PCDH15: variants seen among roughly 807,000 people sequenced by gnomAD.
The protein encoded by PCDH15 is protocadherin related 15, also known as protocadherin-15.
Under a neutral mutation model 178.5 loss-of-function variants are expected in PCDH15, and 129 were observed. The observed-to-expected ratio is 0.72, with a 90% CI of 0.63 to 0.84. The LOEUF (loss-of-function observed/expected upper bound fraction) is 0.84. PCDH15 is among the 40% of genes least tolerant of loss of function. The probability of loss-of-function intolerance (pLI) is 0.00; values close to 1 mark genes in which losing one functional copy is unlikely to be tolerated. For synonymous variants in PCDH15, 800 were observed against 732.0 expected (o/e 1.09, Z -1.50); for missense variants, 2,230 against 2,099.9 (o/e 1.06, Z -1.21).
At chr10:54,679,167 G>A (rs1290169081) in intron 1 of PCDH15, among the ~76,000 whole-genome samples, 1 of 132,756 alleles carries the variant, frequency 7.5e-6, no homozygotes, top group Non-Finnish European at 1.5e-5. Flanking sequence ...TCCAACCTGG[G>A]AGACACAGCG....
At chr10:54,827,865 C>T (rs1002624422) in intron 3 of PCDH15, among the ~76,000 whole-genome samples, 13 of 151,976 alleles carry the variant, frequency 8.6e-5, no homozygotes, top group Non-Finnish European at 1.5e-4. Flanking sequence ...AAACTTTTTG[C>T]GCAGGTGATG....
At chr10:54,792,964 T>C (rs1951564908) in intron 1 of PCDH15, among the ~76,000 whole-genome samples, 1 of 151,582 alleles carries the variant, frequency 6.6e-6, no homozygotes. Flanking sequence ...GTTAGCAGAG[T>C]CCTCCACCTG....
At position 54,317,435 on chromosome 10, in the gene PCDH15, C is replaced by T. The variant is rs957945054; in HGVS notation, c.712G>A (p.Ala238Thr). 1 of 1,613,752 alleles carries T rather than the reference C, an allele frequency of 6.2e-7. No individual in the cohort carries two copies. The highest frequency in any genetic ancestry group is 1.7e-5 in the Admixed American group (1 of 59,972). The change falls in exon 8 of 38, where the codon GCC (alanine) becomes ACC (threonine). Residue 238 changes from alanine to threonine, a missense_variant. Coordinates refer to ENST00000644397, the MANE Select transcript of PCDH15 (RefSeq NM_001384140.1). The stretch of plus-strand genomic sequence containing the variant: ...GTTCGCCTCTCATTCAGATTTTGGG[C>T]ACGGTCCTGTTAGGGAGAAAAACAA... ...YFVIIQANDR[A>T]QNLNERRTTT...
intron 2 of PCDH15, among the ~76,000 whole-genome samples, chr10:54,639,876 T>C (rs1350365773): frequency 6.6e-6 from 1 of 152,118 alleles, no homozygotes; most frequent in Non-Finnish European, 1.5e-5. Context: ...AATGAAACAA[T>C]GTACTTTCCT....
intron 2 of PCDH15, among the ~76,000 whole-genome samples, chr10:55,043,727 TAAATAAATAAATA>T (rs1184793587): frequency 0.015 from 2,212 of 145,830 alleles, 58 homozygotes; most frequent in African/African-American, 0.052. Context: ...AATAAATAAA[TAAATAAATAAATA>T]AAATAAATAA....
chr10:55,321,411 T>G (rs1843897586), upstream of PCDH15, among the ~76,000 whole-genome samples: 1 of 152,072 alleles, frequency 6.6e-6, no homozygotes, highest in Non-Finnish European at 1.5e-5. Context: ...GCAAGCAACT[T>G]GAAAAACAAC....
chr10:54,169,869 A>G (rs138360135), intron 13 of PCDH15, among the ~76,000 whole-genome samples: 9 of 151,508 alleles, frequency 5.9e-5, no homozygotes, highest in Non-Finnish European at 1.3e-4. Flanking sequence ...AAAACCAGAT[A>G]AGCCTTACAA....
upstream of PCDH15, among the ~76,000 whole-genome samples, chr10:55,319,914 AG>A (rs896076240): frequency 8.5e-5 from 13 of 152,110 alleles, no homozygotes; most frequent in African/African-American, 3.1e-4. Flanking sequence ...CTTTAGCCTT[AG>A]GGGTACTGTT....
At chr10:55,603,296 T>C (rs1230929808) in intron 2 of PCDH15, among the ~76,000 whole-genome samples, 2 of 150,168 alleles carry the variant, frequency 1.3e-5, no homozygotes, top group Non-Finnish European at 3.0e-5. Flanking sequence ...ATGGGGAGAA[T>C]GGAACCAAGT....
chr10:55,457,684 G>A (rs60481889), intron 2 of PCDH15, among the ~76,000 whole-genome samples: 1 of 151,964 alleles, frequency 6.6e-6, no homozygotes, highest in Non-Finnish European at 1.5e-5. Flanking sequence ...CTGAGGGCCC[G>A]ACGGCTTCCT....
At chr10:55,151,340 C>T (rs2132101566) in intron 2 of PCDH15, among the ~76,000 whole-genome samples, 1 of 152,002 alleles carries the variant, frequency 6.6e-6, no homozygotes, top group Non-Finnish European at 1.5e-5. Flanking sequence ...ACATATGCAT[C>T]CTCAAAATTA....
intron 2 of PCDH15, among the ~76,000 whole-genome samples, chr10:55,625,113 A>C (rs1837496367): frequency 6.6e-6 from 1 of 152,134 alleles, no homozygotes. Flanking sequence ...CATCTAACCA[A>C]AGCCATCAGT....
intron 2 of PCDH15, among the ~76,000 whole-genome samples, chr10:54,543,877 C>T (rs1281859651): frequency 3.3e-5 from 5 of 152,180 alleles, no homozygotes; most frequent in Admixed American, 3.3e-4. Context: ...CAGAAACTTA[C>T]TAGTCCCAAT....
chr10:54,673,262 C>G (rs1055823745), intron 1 of PCDH15, among the ~76,000 whole-genome samples: 14 of 151,876 alleles, frequency 9.2e-5, no homozygotes, highest in Non-Finnish European at 1.9e-4. Context: ...TGTGATGTTC[C>G]CCTCTCTGTG....
intron 18 of PCDH15, among the ~76,000 whole-genome samples, chr10:54,049,682 G>A (rs759204044): frequency 2.9e-4 from 44 of 151,420 alleles, no homozygotes; most frequent in African/African-American, 3.6e-4. Context: ...ATGCAATGGC[G>A]CAACCTTGGC....
Position 55,464,902 on chromosome 10 carries a change from GAAAAAA to G in PCDH15, c.-156+162717_-156+162722del, listed in dbSNP as rs71014492. ...AGGGTAATGTGGTGATGCTTAAATT[GAAAAAA>G]AAAAAAAAGAAACAAAACAAACAAA... On this transcript the variant is annotated intron_variant, in intron 2 of 5. Coordinates refer to the PCDH15 transcript ENST00000613346. Among the ~76,000 whole-genome samples, 8 of 139,912 alleles carry G rather than the reference GAAAAAA, an allele frequency of 5.7e-5. No homozygotes were observed. The East Asian group carries it at 1.6e-3, about 29-fold the overall frequency. 91.8% of individuals were successfully genotyped at this position (139,912 alleles called of 152,430 possible). A position where few individuals can be genotyped will look rare whatever the true frequency, so the allele number is the denominator to read the frequency against.
chr10:54,289,602 G>A (rs886070577), intron 8 of PCDH15, among the ~76,000 whole-genome samples: 1 of 152,126 alleles, frequency 6.6e-6, no homozygotes, highest in African/African-American at 2.4e-5. Flanking sequence ...ACGTCTCCAA[G>A]CTAAAGGAGC....
At chr10:54,050,272 T>C (rs1181359849) in intron 18 of PCDH15, among the ~76,000 whole-genome samples, 1 of 152,198 alleles carries the variant, frequency 6.6e-6, no homozygotes, top group Non-Finnish European at 1.5e-5. Context: ...TTTGATTTCT[T>C]CTTGATTCAA....
chr10:54,985,292 G>C (rs1018310945), intron 2 of PCDH15, among the ~76,000 whole-genome samples: 2 of 152,042 alleles, frequency 1.3e-5, no homozygotes, highest in Admixed American at 6.6e-5. Flanking sequence ...AATAAAAAGG[G>C]ATAGAAGTTT....
Sources: gnomAD v4.1 joint callset for allele counts (sites outside exome capture counted in the v4.1 genomes callset) on GRCh38, gnomAD v4.1.1 for gene constraint, MANE v1.5 for transcripts, NCBI Gene and HGNC (gene_info 2026-07-23, HGNC 2026-07-21) for gene names.